Variants in CACNA1B observed in about 807,000 individuals in gnomAD.
The protein encoded by CACNA1B is calcium voltage-gated channel subunit alpha1 B.
Under a neutral mutation model 247.2 loss-of-function variants are expected in CACNA1B, and 70 were observed. The observed-to-expected ratio is 0.28, with a 90% CI of 0.23 to 0.35. The LOEUF (loss-of-function observed/expected upper bound fraction) is 0.35, where lower values mean the gene tolerates loss of function less well. CACNA1B is among the 10% of genes least tolerant of loss of function. The pLI, the probability that CACNA1B is intolerant of heterozygous loss-of-function variation, is 1.00. For synonymous variants in CACNA1B, 1,231 were observed against 1,294.4 expected, an observed-to-expected ratio of 0.95 and a Z score of 1.05; for missense variants, 2,367 against 3,197.4, an observed-to-expected ratio of 0.74 and a Z score of 6.26.
chr9:138,112,742 T>TTTAAATCC (rs1190564368), intron 40 of CACNA1B, among the ~76,000 whole-genome samples: 1 of 152,248 alleles, frequency 6.6e-6, no homozygotes, highest in Admixed American at 6.5e-5. Context: ...ATTTATTTTT[T>TTTAAATCC]TTAAATCCAG....
intron 20 of CACNA1B, among the ~76,000 whole-genome samples, chr9:138,034,789 G>A (rs1275007282): frequency 6.6e-6 from 1 of 151,624 alleles, no homozygotes; most frequent in Non-Finnish European, 1.5e-5. Context: ...CAAGGATCTT[G>A]TAGTCCCCCC....
At chr9:137,924,846 C>G (rs1957531810) in intron 6 of CACNA1B, among the ~76,000 whole-genome samples, 1 of 152,194 alleles carries the variant, frequency 6.6e-6, no homozygotes. Context: ...ACTAGAGTGT[C>G]CAGCAACCCT....
chr9:137,951,891 G>T (rs923068957), intron 6 of CACNA1B, among the ~76,000 whole-genome samples: 1 of 152,202 alleles, frequency 6.6e-6, no homozygotes, highest in African/African-American at 2.4e-5. Context: ...CTTTGGAGCT[G>T]CCCAGGATGT....
chr9:138,078,013 G>T, intron 35 of CACNA1B, 101 bp from the exon 36 acceptor site: 4 of 1,007,310 alleles, frequency 4.0e-6, no homozygotes, highest in South Asian at 1.6e-5. Context: ...TGAGCTGTCT[G>T]TGGGAAGGAG....
In CACNA1B at chr9:138,075,900, C is replaced by T. The variant is rs377675321; in HGVS notation, c.4939C>T (p.Leu1647=). The change falls in exon 35 of 47, where the codon CTG becomes TTG. Residue 1647 remains leucine, a synonymous_variant. Transcript: ENST00000371372. The part of the protein sequence containing the change: ...NFRTFLQALM[L]LFRSATGEAW... ...CCGGACGTTTTTGCAAGCCCTGATG[C>T]TGCTGTTCAGGTGTGTTGTTCGGTC... 18 of 1,606,656 alleles carry T rather than the reference C, an allele frequency of 1.1e-5. No individual in the cohort carries two copies. In the African/African-American group the frequency reaches 2.4e-4, roughly 21 times the overall value.
chr9:138,071,549 G>T (rs116042669), intron 32 of CACNA1B, among the ~76,000 whole-genome samples: 1 of 152,174 alleles, frequency 6.6e-6, no homozygotes, highest in South Asian at 2.1e-4. Flanking sequence ...TCTCCAGGGC[G>T]CCCGTCTCCT....
At chr9:138,081,835 T>TAGAC (rs1359849943) in intron 36 of CACNA1B, among the ~76,000 whole-genome samples, 1 of 151,034 alleles carries the variant, frequency 6.6e-6, no homozygotes, top group East Asian at 2.0e-4. Flanking sequence ...AAAATATGAA[T>TAGAC]AGACCTGTAA....
At chr9:137,996,563 G>T (rs182272443) in intron 15 of CACNA1B, among the ~76,000 whole-genome samples, 34 of 152,272 alleles carry the variant, frequency 2.2e-4, no homozygotes, top group African/African-American at 7.2e-4. Flanking sequence ...TGCTGCTTGG[G>T]TGATGGGTGC....
chr9:138,041,603 A>G (rs1299686014), intron 20 of CACNA1B, among the ~76,000 whole-genome samples: 1 of 151,932 alleles, frequency 6.6e-6, no homozygotes, highest in Non-Finnish European at 1.5e-5. Context: ...CCTATGATTG[A>G]TGACTTTCAT....
In CACNA1B at chr9:137,960,763, C is replaced by G. The variant is rs117593735; in HGVS notation, c.1333+3076C>G. Among the ~76,000 whole-genome samples the G allele has an allele frequency of 3.5e-4, 53 of 152,152 alleles. No individual in the cohort carries two copies. In the East Asian group the frequency reaches 9.9e-3, roughly 28 times the overall value. On this transcript the variant is annotated intron_variant, in intron 10 of 46. Coordinates refer to ENST00000371372, the MANE Select transcript of CACNA1B (RefSeq NM_000718.4). ...CTTCCAACCGGGACCCCAGGCCGCCCTGGTGGTTTGCAGAGGGGTGACACC... is the reference window on the plus strand; with the variant it reads ...CTTCCAACCGGGACCCCAGGCCGCCGTGGTGGTTTGCAGAGGGGTGACACC...
intron 37 of CACNA1B, among the ~76,000 whole-genome samples, chr9:138,097,512 T>C (rs1961094471): frequency 1.3e-5 from 2 of 152,230 alleles, no homozygotes; most frequent in Non-Finnish European, 2.9e-5. Flanking sequence ...CAATGTCTAC[T>C]GTGGGCTGCT....
rs543480928 is a variant in CACNA1B at position 138,043,802 on chromosome 9, A to G, written c.3315A>G (p.Ala1105=). The change falls in exon 21 of 47, where the codon GCA becomes GCG. Residue 1105 remains alanine (A), a synonymous_variant. Transcript: ENST00000371372. ...GTAACGTGGACCTGGAAAGCCAAGCAGAGGGGAAGAAGGAGGTGGAAGCGG... is the reference window on the plus strand; with the variant it reads ...GTAACGTGGACCTGGAAAGCCAAGCGGAGGGGAAGAAGGAGGTGGAAGCGG... ...PSGNVDLESQ[A]EGKKEVEADD... 5 of 1,613,910 alleles carry G rather than the reference A, an allele frequency of 3.1e-6. No homozygotes were observed. The highest frequency in any genetic ancestry group is 4.2e-6 in the Non-Finnish European group (5 of 1,179,852).
Position 138,094,442 on chromosome 9 carries a change from T to TAAAAAAAAAAAAAA in CACNA1B, c.5095-2038_5095-2025dup, listed in dbSNP as rs753995157. Among the ~76,000 whole-genome samples the TAAAAAAAAAAAAAA allele has an allele frequency of 2.9e-3, 275 of 93,400 alleles. 1 individual carries two copies. Among genetic ancestry groups the TAAAAAAAAAAAAAA allele is most frequent in the African/African-American group, 9.2e-3 (255 of 27,830 alleles). 61.3% of individuals were successfully genotyped at this position (93,400 alleles called of 152,430 possible). A position where few individuals can be genotyped will look rare whatever the true frequency, so the allele number is the denominator to read the frequency against. On this transcript the variant is annotated intron_variant, in intron 36 of 46. Coordinates refer to ENST00000371372, the MANE Select transcript of CACNA1B (RefSeq NM_000718.4). ...TTTTTGTTATGTATCTTTACTACAG[T>TAAAAAAAAAAAAAA]AAAAAAAAAAAAAAAAAGAAGAAGA...
rs1371334265 is a variant in CACNA1B, at chr9:137,923,269, G to A, written c.966+5838G>A. On this transcript the variant is annotated intron_variant, in intron 6 of 46. Transcript: ENST00000371372. Reference sequence around the variant, plus strand: ...CAGGTGGTATTCCGTGGTGCCAGGTGGTATTCCATGGTGCCAGGTGGTATT... The same window carrying A: ...CAGGTGGTATTCCGTGGTGCCAGGTAGTATTCCATGGTGCCAGGTGGTATT... Among the ~76,000 whole-genome samples the A allele has an allele frequency of 2.0e-3, 267 of 131,406 alleles. 2 individuals are homozygous for A. Among genetic ancestry groups the A allele is most frequent in the African/African-American group, 7.7e-3 (245 of 31,920 alleles). 86.2% of individuals were successfully genotyped at this position (131,406 alleles called of 152,430 possible). A position where few individuals can be genotyped will look rare whatever the true frequency, so the allele number is the denominator to read the frequency against.
At chr9:138,078,389 C>T in intron 36 of CACNA1B, 131 bp downstream of exon 36, 1 of 866,056 alleles carries the variant, frequency 1.2e-6, no homozygotes, top group Non-Finnish European at 1.8e-6. Context: ...TGCTGATGGC[C>T]CTTGTTTCCC....
intron 15 of CACNA1B, among the ~76,000 whole-genome samples, chr9:137,999,984 C>T (rs1310442668): frequency 6.6e-6 from 1 of 151,248 alleles, no homozygotes; most frequent in Non-Finnish European, 1.5e-5. Context: ...AAAGCACAAA[C>T]AAAAAATGTA....
rs1275536893 is a variant in CACNA1B, at chr9:137,952,998, A to G, written c.1070+621A>G. Among the ~76,000 whole-genome samples, 1 of 152,058 alleles carries G rather than the reference A, an allele frequency of 6.6e-6. No individual in the cohort carries two copies. Among genetic ancestry groups the G allele is most frequent in the African/African-American group, 2.4e-5 (1 of 41,400 alleles). On this transcript the variant is annotated intron_variant, in intron 7 of 46. Coordinates refer to ENST00000371372, the MANE Select transcript of CACNA1B (RefSeq NM_000718.4). The surrounding 1 kb of genome is among the most constrained non-coding windows in gnomAD (Gnocchi z 4.8). ...TCACCTCTTTGTGCCAAGCTACTCC[A>G]GGGGATGGTGAGAGAGAGGGCTCAG...
intron 32 of CACNA1B, among the ~76,000 whole-genome samples, chr9:138,071,274 A>G (rs1460047083): frequency 6.6e-6 from 1 of 152,148 alleles, no homozygotes; most frequent in Non-Finnish European, 1.5e-5. Context: ...GGTGCCACAG[A>G]CCTTTTCCAA....
Position 138,102,617 on chromosome 9 carries a change from C to A in CACNA1B, c.5223-94C>A. 1.7e-6 allele frequency: 1 copy of A among 592,112 alleles called. No homozygotes were observed. Among genetic ancestry groups the A allele is most frequent in the East Asian group, 3.1e-5 (1 of 32,514 alleles). 36.7% of individuals were successfully genotyped at this position (592,112 alleles called of 1,614,324 possible). ...TGTTTTCTTGTCTGCTTCCTCCCTG[C>A]CCCTACCCCGCTCCCCTCCCCGCTC... On this transcript the variant is annotated intron_variant, in intron 37 of 46. Coordinates refer to ENST00000371372, the MANE Select transcript of CACNA1B (RefSeq NM_000718.4). The surrounding 1 kb of genome is among the most constrained non-coding windows in gnomAD (Gnocchi z 5.4).
Sources: allele counts gnomAD v4.1 joint callset (sites outside exome capture counted in the v4.1 genomes callset), GRCh38; gene constraint gnomAD v4.1.1; non-coding constraint Gnocchi (gnomAD v3.1); transcripts MANE v1.5; gene names NCBI Gene and HGNC (gene_info 2026-07-23, HGNC 2026-07-21).